The following BHLHE22 variants were observed in gnomAD, a reference collection of about 807,000 sequenced individuals.
BHLHE22 encodes the protein basic helix-loop-helix family member e22.
BHLHE22 carries 8 observed loss-of-function variants against 17.6 expected under a neutral mutation model. That is an observed-to-expected ratio of 0.45 (90% CI 0.27 to 0.82). The LOEUF (loss-of-function observed/expected upper bound fraction) is 0.82, where lower values mean the gene tolerates loss of function less well. Ranked by LOEUF, BHLHE22 falls within the 40% of genes least tolerant of loss-of-function variation. BHLHE22 has a pLI of 0.16. For missense variants in BHLHE22, 570 were observed against 581.5 expected (o/e 0.98, Z 0.20); for synonymous variants, 353 against 282.7 (o/e 1.25, Z -2.49).
chr8:64,580,669 C>G lies in BHLHE22; in HGVS notation c.-122C>G. ...AGAGGGCTCCCGGCAGCACCAGGAC[C>G]GACGCGCGCACCAGCTCCGGAGCCC... On this transcript the variant is annotated 5_prime_UTR_variant, in exon 1 of 1. Coordinates refer to ENST00000321870, the MANE Select transcript of BHLHE22 (RefSeq NM_152414.5). The G allele has an allele frequency of 1.3e-5, 6 of 465,150 alleles. No homozygotes were observed. The highest frequency in any genetic ancestry group is 1.7e-5 in the Non-Finnish European group (6 of 352,238). The allele number at this position is 465,150 out of a possible 1,614,324, so 28.8% of individuals were successfully genotyped here.
At position 64,581,249 on chromosome 8, in the gene BHLHE22, C is replaced by T; in HGVS notation, c.459C>T (p.Asp153=). Residue 153 remains aspartate (D), a synonymous_variant, in exon 1 of 1, where the codon GAC becomes GAT. Transcript: ENST00000321870. The surrounding 1 kb of genome is among the most constrained non-coding windows in gnomAD (Gnocchi z 6.4). ...GGEQSPDDDS[D]GRCELVLRAG... is the part of the protein sequence containing the mutation. Reference sequence around the variant, plus strand: ...AGCAGAGCCCCGACGACGACAGCGACGGTCGCTGCGAGCTCGTGCTGCGGG... The same window carrying T: ...AGCAGAGCCCCGACGACGACAGCGATGGTCGCTGCGAGCTCGTGCTGCGGG... 3.4e-6 allele frequency: 5 copies of T among 1,450,528 alleles called. No individual in the cohort carries two copies. The highest frequency in any genetic ancestry group is 4.5e-6 in the Non-Finnish European group (5 of 1,113,662). The allele number at this position is 1,450,528 out of a possible 1,614,324, so 89.9% of individuals were successfully genotyped here.
chr8:64,581,018 G>A lies in BHLHE22; in HGVS notation c.228G>A (p.Leu76=). The A allele has an allele frequency of 7.5e-7, 1 of 1,326,006 alleles. No homozygotes were observed. Among genetic ancestry groups the A allele is most frequent in the Non-Finnish European group, 9.6e-7 (1 of 1,046,538 alleles). The allele number at this position is 1,326,006 out of a possible 1,614,324, so 82.1% of individuals were successfully genotyped here. Residue 76 remains leucine (L), a synonymous_variant, in exon 1 of 1, where the codon CTG becomes CTA. Transcript: ENST00000321870. The surrounding 1 kb of genome is among the most constrained non-coding windows in gnomAD (Gnocchi z 6.4). ...EPADPEGAGL[L]LPPPGGGGGG... ...CTGACCCCGAGGGGGCAGGGCTGCT[G>A]TTGCCGCCGCCTGGAGGAGGCGGCG...
rs772116682 is a variant in BHLHE22 at position 64,580,863 on chromosome 8, G to A, written c.73G>A (p.Ala25Thr). Reference sequence around the variant, plus strand: ...CCTCTTCCTGCACAAGAGCCTGAGCGCCTCCACCTCCAAGCGCTTGGAAGC... The same window carrying A: ...CCTCTTCCTGCACAAGAGCCTGAGCACCTCCACCTCCAAGCGCTTGGAAGC... The part of the protein sequence containing the change: ...DDLFLHKSLS[A>T]STSKRLEAAF... Residue 25 changes from alanine (A) to threonine (T), a missense_variant, in exon 1 of 1, where the codon GCC (alanine) becomes ACC (threonine). Ala to Thr is a moderately conservative substitution (Grantham distance 58). Transcript: ENST00000321870. 1.3e-6 allele frequency: 2 copies of A among 1,512,910 alleles called. No homozygotes were observed. Among genetic ancestry groups the A allele is most frequent in the Non-Finnish European group, 8.8e-7 (1 of 1,140,042 alleles). 93.7% of individuals were successfully genotyped at this position (1,512,910 alleles called of 1,614,324 possible).
rs1804874676 is a variant in BHLHE22, at chr8:64,580,697, C to G, written c.-94C>G. The G allele has an allele frequency of 7.7e-6, 6 of 780,712 alleles. No homozygotes were observed. Among genetic ancestry groups the G allele is most frequent in the Admixed American group, 6.1e-5 (1 of 16,518 alleles). 48.4% of individuals were successfully genotyped at this position (780,712 alleles called of 1,614,324 possible). On this transcript the variant is annotated 5_prime_UTR_variant, in exon 1 of 1. Transcript: ENST00000321870. ...CGCGCGCACCAGCTCCGGAGCCCAG[C>G]TCGCGCGCGTCTGTGGGGCCGCCTG...
At position 64,582,085 on chromosome 8, in the gene BHLHE22, AC is replaced by A; in HGVS notation, c.*150del. 1 of 967,576 alleles carries A rather than the reference AC, an allele frequency of 1.0e-6. No individual in the cohort carries two copies. The highest frequency in any genetic ancestry group is 1.6e-5 in the South Asian group (1 of 62,692). The allele number at this position is 967,576 out of a possible 1,614,324, so 59.9% of individuals were successfully genotyped here. A position where few individuals can be genotyped will look rare whatever the true frequency, so the allele number is the denominator to read the frequency against. On this transcript the variant is annotated 3_prime_UTR_variant, in exon 1 of 1. Transcript: ENST00000321870. ...CAAGAACTGAGGAGAAGTATCAGAGACAAACGGGACTTTTAGCCTTGACATC... is the reference window on the plus strand; with the variant it reads ...CAAGAACTGAGGAGAAGTATCAGAGAAAACGGGACTTTTAGCCTTGACATC...
In BHLHE22 at chr8:64,580,695, A is replaced by T. The variant is rs1804874581; in HGVS notation, c.-96A>T. 1.3e-6 allele frequency: 1 copy of T among 755,770 alleles called. No homozygotes were observed. Among genetic ancestry groups the T allele is most frequent in the Non-Finnish European group, 1.6e-6 (1 of 617,218 alleles). The allele number at this position is 755,770 out of a possible 1,614,324, so 46.8% of individuals were successfully genotyped here. A position where few individuals can be genotyped will look rare whatever the true frequency, so the allele number is the denominator to read the frequency against. ...GACGCGCGCACCAGCTCCGGAGCCC[A>T]GCTCGCGCGCGTCTGTGGGGCCGCC... On this transcript the variant is annotated 5_prime_UTR_variant, in exon 1 of 1. Transcript: ENST00000321870.
rs1459174444 is a variant in BHLHE22 at position 64,583,025 on chromosome 8, A to C, written c.*1089A>C. 1 of 166,888 alleles carries C rather than the reference A, an allele frequency of 6.0e-6. No homozygotes were observed. Among genetic ancestry groups the C allele is most frequent in the Non-Finnish European group, 1.5e-5 (1 of 68,128 alleles). The allele number at this position is 166,888 out of a possible 1,614,324, so 10.3% of individuals were successfully genotyped here. On this transcript the variant is annotated 3_prime_UTR_variant, in exon 1 of 1. Transcript: ENST00000321870. ...AGGTGTATTCTTAATTGATGAATGA[A>C]TTGATCTCTTTTTTGAAAGGGGACT...
In BHLHE22 at chr8:64,582,776, G is replaced by A. The variant is rs16931326; in HGVS notation, c.*840G>A. On this transcript the variant is annotated 3_prime_UTR_variant, in exon 1 of 1. Coordinates refer to ENST00000321870, the MANE Select transcript of BHLHE22 (RefSeq NM_152414.5). ...AGTATTTATCATGTGTTAAAGTCAT[G>A]GGTCTTATGTGCAGATTTTTTTAAT... 9,117 of 167,002 alleles carry A rather than the reference G, an allele frequency of 0.055. 306 individuals carry two copies. The highest frequency in any genetic ancestry group is 0.15 in the South Asian group (737 of 4,820). The allele number at this position is 167,002 out of a possible 1,614,324, so 10.3% of individuals were successfully genotyped here.
chr8:64,582,763 G>A lies in BHLHE22; in HGVS notation c.*827G>A, dbSNP rs757879039. On this transcript the variant is annotated 3_prime_UTR_variant, in exon 1 of 1. Coordinates refer to ENST00000321870, the MANE Select transcript of BHLHE22 (RefSeq NM_152414.5). ...CTTCCACATCAACAGTATTTATCAT[G>A]TGTTAAAGTCATGGGTCTTATGTGC... 1.2e-5 allele frequency: 2 copies of A among 167,034 alleles called. No individual in the cohort carries two copies. Among genetic ancestry groups the A allele is most frequent in the Non-Finnish European group, 2.9e-5 (2 of 68,118 alleles). The allele number at this position is 167,034 out of a possible 1,614,324, so 10.3% of individuals were successfully genotyped here.
chr8:64,582,039 G>C lies in BHLHE22; in HGVS notation c.*103G>C. The C allele has an allele frequency of 7.2e-7, 1 of 1,380,216 alleles. No individual in the cohort carries two copies. Among genetic ancestry groups the C allele is most frequent in the Non-Finnish European group, 9.9e-7 (1 of 1,014,358 alleles). 85.5% of individuals were successfully genotyped at this position (1,380,216 alleles called of 1,614,324 possible). On this transcript the variant is annotated 3_prime_UTR_variant, in exon 1 of 1. Transcript: ENST00000321870. ...GTCCTCTCGTAGTTGTGAAACACTT[G>C]CAGAGCAAACAAAGCAGAGGCAAGA...
Position 64,582,106 on chromosome 8 carries a change from G to C in BHLHE22, c.*170G>C. On this transcript the variant is annotated 3_prime_UTR_variant, in exon 1 of 1. Coordinates refer to ENST00000321870, the MANE Select transcript of BHLHE22 (RefSeq NM_152414.5). The stretch of plus-strand genomic sequence containing the variant: ...AGAGACAAACGGGACTTTTAGCCTT[G>C]ACATCCCCAGAATCTCGGTCTTTGG... 1 of 510,546 alleles carries C rather than the reference G, an allele frequency of 2.0e-6. No individual in the cohort carries two copies. 31.6% of individuals were successfully genotyped at this position (510,546 alleles called of 1,614,324 possible).
chr8:64,582,170 G>C lies in BHLHE22; in HGVS notation c.*234G>C. ...GGAGGAGGGAGGTGGAGTTGGGATGGAGTATGGATGTCTTTTTTTTCTCAG... is the reference window on the plus strand; with the variant it reads ...GGAGGAGGGAGGTGGAGTTGGGATGCAGTATGGATGTCTTTTTTTTCTCAG... On this transcript the variant is annotated 3_prime_UTR_variant, in exon 1 of 1. Coordinates refer to ENST00000321870, the MANE Select transcript of BHLHE22 (RefSeq NM_152414.5). The C allele has an allele frequency of 1.7e-6, 1 of 579,028 alleles. No homozygotes were observed. The highest frequency in any genetic ancestry group is 3.0e-6 in the Non-Finnish European group (1 of 328,980). 35.9% of individuals were successfully genotyped at this position (579,028 alleles called of 1,614,324 possible). A position where few individuals can be genotyped will look rare whatever the true frequency, so the allele number is the denominator to read the frequency against.
In BHLHE22 at chr8:64,581,140, G is replaced by A. The variant is rs764830007; in HGVS notation, c.350G>A (p.Ser117Asn). The A allele has an allele frequency of 2.1e-6, 3 of 1,407,554 alleles. No individual in the cohort carries two copies. Among genetic ancestry groups the A allele is most frequent in the Non-Finnish European group, 1.8e-6 (2 of 1,091,148 alleles). 87.2% of individuals were successfully genotyped at this position (1,407,554 alleles called of 1,614,324 possible). Residue 117 changes from serine (S) to asparagine (N), a missense_variant, in exon 1 of 1, where the codon AGC becomes AAC. By Grantham distance (46) the Ser-to-Asn change is conservative. Coordinates refer to ENST00000321870, the MANE Select transcript of BHLHE22 (RefSeq NM_152414.5). This position sits in a 1 kb window ranked among gnomAD's most constrained non-coding sequence, Gnocchi z 6.4. ...SAGVGGDPSL[S>N]SLPAGAALCL... Reference sequence around the variant, plus strand: ...GGCGTTGGGGGCGACCCTAGCCTAAGCAGCCTGCCGGCCGGGGCCGCCCTT... The same window carrying A: ...GGCGTTGGGGGCGACCCTAGCCTAAACAGCCTGCCGGCCGGGGCCGCCCTT...
rs967848436 is a variant in BHLHE22 at position 64,581,056 on chromosome 8, G to A, written c.266G>A (p.Gly89Glu). ...PPGGGGGGSAGSGGGGGGGVG... is the reference protein window; with the variant it reads ...PPGGGGGGSAESGGGGGGGVG... ...GGAGGAGGCGGCGGCGGCAGCGCGG[G>A]AAGTGGCGGCGGCGGCGGCGGCGGG... Residue 89 changes from glycine to glutamate, a missense_variant, in exon 1 of 1, where the codon GGA becomes GAA. By Grantham distance (98) the Gly-to-Glu change is moderately conservative. Around this residue, in one of 3 missense-constraint regions of BHLHE22, gnomAD observed 427 missense variants for 376.2 expected, o/e 1.14. Transcript: ENST00000321870. This position sits in a 1 kb window ranked among gnomAD's most constrained non-coding sequence, Gnocchi z 6.4. 3.0e-6 allele frequency: 4 copies of A among 1,327,840 alleles called. No individual in the cohort carries two copies. Among genetic ancestry groups the A allele is most frequent in the Non-Finnish European group, 3.8e-6 (4 of 1,049,788 alleles). The allele number at this position is 1,327,840 out of a possible 1,614,324, so 82.3% of individuals were successfully genotyped here. A position where few individuals can be genotyped will look rare whatever the true frequency, so the allele number is the denominator to read the frequency against.
Position 64,583,226 on chromosome 8 carries a change from A to T in BHLHE22, c.*1290A>T, listed in dbSNP as rs1240250583. On this transcript the variant is annotated 3_prime_UTR_variant, in exon 1 of 1. Transcript: ENST00000321870. ...TGTGGAGAATTATTTAAGTTAAAAGACTGGTTTGATTTGCCTATGGTGTGA... is the reference window on the plus strand; with the variant it reads ...TGTGGAGAATTATTTAAGTTAAAAGTCTGGTTTGATTTGCCTATGGTGTGA... 1.2e-5 allele frequency: 2 copies of T among 167,020 alleles called. No individual in the cohort carries two copies. Among genetic ancestry groups the T allele is most frequent in the Non-Finnish European group, 2.9e-5 (2 of 68,118 alleles). The allele number at this position is 167,020 out of a possible 1,614,324, so 10.3% of individuals were successfully genotyped here.
In BHLHE22 at chr8:64,582,311, C is replaced by G; in HGVS notation, c.*375C>G. The G allele has an allele frequency of 3.3e-6, 1 of 302,356 alleles. No individual in the cohort carries two copies. Among genetic ancestry groups the G allele is most frequent in the Non-Finnish European group, 6.5e-6 (1 of 153,920 alleles). The allele number at this position is 302,356 out of a possible 1,614,324, so 18.7% of individuals were successfully genotyped here. ...TTAAGCCTGGAGAGTGTTTGAATGGCAAAATACTAATCCTACTAATAATTG... is the reference window on the plus strand; with the variant it reads ...TTAAGCCTGGAGAGTGTTTGAATGGGAAAATACTAATCCTACTAATAATTG... On this transcript the variant is annotated 3_prime_UTR_variant, in exon 1 of 1. Coordinates refer to ENST00000321870, the MANE Select transcript of BHLHE22 (RefSeq NM_152414.5).
chr8:64,582,640 G>A lies in BHLHE22; in HGVS notation c.*704G>A, dbSNP rs562421945. On this transcript the variant is annotated 3_prime_UTR_variant, in exon 1 of 1. Coordinates refer to ENST00000321870, the MANE Select transcript of BHLHE22 (RefSeq NM_152414.5). Reference sequence around the variant, plus strand: ...ATAAAAAAACTGACTGTGGCTGAAAGAATTGCATTTAAAAATATTTATGTG... The same window carrying A: ...ATAAAAAAACTGACTGTGGCTGAAAAAATTGCATTTAAAAATATTTATGTG... 6.0e-6 allele frequency: 1 copy of A among 167,074 alleles called. No individual in the cohort carries two copies. The highest frequency in any genetic ancestry group is 1.5e-5 in the Non-Finnish European group (1 of 68,140). The allele number at this position is 167,074 out of a possible 1,614,324, so 10.3% of individuals were successfully genotyped here.
In BHLHE22 at chr8:64,582,138, G is replaced by A; in HGVS notation, c.*202G>A. On this transcript the variant is annotated 3_prime_UTR_variant, in exon 1 of 1. Transcript: ENST00000321870. ...CCAGAATCTCGGTCTTTGGGGTGGG[G>A]AGGGAGGGAGGAGGGAGGTGGAGTT... is the stretch of plus-strand genomic sequence containing the variant. The A allele has an allele frequency of 2.4e-6, 1 of 412,892 alleles. No homozygotes were observed. The highest frequency in any genetic ancestry group is 4.5e-6 in the Non-Finnish European group (1 of 220,180). 25.6% of individuals were successfully genotyped at this position (412,892 alleles called of 1,614,324 possible). A position where few individuals can be genotyped will look rare whatever the true frequency, so the allele number is the denominator to read the frequency against.
At position 64,582,702 on chromosome 8, in the gene BHLHE22, C is replaced by T. The variant is rs1400870932; in HGVS notation, c.*766C>T. ...TTTCTACTCTGCAATGATGTATTAA[C>T]AATTCATGGTATTTATTTGTTATTC... On this transcript the variant is annotated 3_prime_UTR_variant, in exon 1 of 1. Coordinates refer to ENST00000321870, the MANE Select transcript of BHLHE22 (RefSeq NM_152414.5). 2 of 167,044 alleles carry T rather than the reference C, an allele frequency of 1.2e-5. No individual in the cohort carries two copies. The highest frequency in any genetic ancestry group is 2.9e-5 in the Non-Finnish European group (2 of 68,128). 10.3% of individuals were successfully genotyped at this position (167,044 alleles called of 1,614,324 possible). A position where few individuals can be genotyped will look rare whatever the true frequency, so the allele number is the denominator to read the frequency against.
Sources: allele counts gnomAD v4.1 joint callset, GRCh38; gene constraint gnomAD v4.1.1; regional missense constraint gnomAD v4.1.1; non-coding constraint Gnocchi (gnomAD v3.1); transcripts MANE v1.5; gene names NCBI Gene and HGNC (gene_info 2026-07-23, HGNC 2026-07-21).